The following SNX29 variants were observed in gnomAD, a reference collection of about 807,000 sequenced individuals.
The protein encoded by SNX29 is sorting nexin 29.
SNX29 carries 78 observed loss-of-function variants against 102.1 expected under a neutral mutation model. That is an observed-to-expected ratio of 0.76 (90% CI 0.64 to 0.92). The LOEUF is 0.92. SNX29 is among the 40% of genes least tolerant of loss of function. The pLI is 0.00. For synonymous variants in SNX29, 580 were observed against 414.5 expected (o/e 1.40, Z -4.85); for missense variants, 1,280 against 1,061.7 (o/e 1.21, Z -2.86).
chr16:12,526,536 A>C (rs1270650550), intron 20 of SNX29: 3 of 520,218 alleles, frequency 5.8e-6, no homozygotes, highest in Non-Finnish European at 1.1e-5. Context: ...TTCTTCTTTT[A>C]TTTGTAATGC....
intron 14 of SNX29, among the ~76,000 whole-genome samples, chr16:12,220,868 C>T (rs533916243): frequency 6.6e-5 from 10 of 152,196 alleles, no homozygotes; most frequent in African/African-American, 9.6e-5. Context: ...GTTAAAATTA[C>T]GCAAATGAGC....
intron 4 of SNX29, chr16:12,029,839 G>C (rs574150017): frequency 2.9e-6 from 1 of 340,590 alleles, no homozygotes; most frequent in Non-Finnish European, 5.7e-6. Flanking sequence ...TAATCTGCCC[G>C]CCTCGACCTC....
intron 20 of SNX29, among the ~76,000 whole-genome samples, chr16:12,554,555 C>G (rs1336136042): frequency 6.6e-6 from 1 of 152,154 alleles, no homozygotes; most frequent in African/African-American, 2.4e-5. Context: ...TGAACTTGTT[C>G]AACAATTTCT....
At position 12,572,771 on chromosome 16, in the gene SNX29, G is replaced by A. The variant is rs2079215277; in HGVS notation, c.*4142G>A. 5.6e-6 allele frequency: 6 copies of A among 1,063,834 alleles called. No homozygotes were observed. Among genetic ancestry groups the A allele is most frequent in the Non-Finnish European group, 6.8e-6 (6 of 878,420 alleles). The allele number at this position is 1,063,834 out of a possible 1,614,324, so 65.9% of individuals were successfully genotyped here. ...TTTTCAGCTTCTGGGACCCGAGGAA[G>A]ACCCCACCTCACTCCTCCTTCCCCA... is the stretch of plus-strand genomic sequence containing the variant. On this transcript the variant is annotated 3_prime_UTR_variant, in exon 21 of 21. Coordinates refer to ENST00000566228, the MANE Select transcript of SNX29 (RefSeq NM_032167.5).
intron 20 of SNX29, among the ~76,000 whole-genome samples, chr16:12,532,152 G>C (rs569006941): frequency 6.7e-4 from 102 of 152,334 alleles, no homozygotes; most frequent in African/African-American, 2.1e-3. Flanking sequence ...TGCTGTAACT[G>C]TGTGTTCCTG....
At chr16:12,241,634 G>A (rs1279436524) in intron 14 of SNX29, among the ~76,000 whole-genome samples, 1 of 152,078 alleles carries the variant, frequency 6.6e-6, no homozygotes, top group Non-Finnish European at 1.5e-5. Context: ...GCTAATTTTT[G>A]TATTTTTAGT....
At chr16:12,466,599 G>A (rs2151776109) in intron 18 of SNX29, among the ~76,000 whole-genome samples, 1 of 152,250 alleles carries the variant, frequency 6.6e-6, no homozygotes, top group East Asian at 1.9e-4. Flanking sequence ...CCTTGCTTGT[G>A]TCCACCACTC....
In SNX29 at chr16:12,571,272, G is replaced by C. The variant is rs1292383575; in HGVS notation, c.*2643G>C. 2 of 231,962 alleles carry C rather than the reference G, an allele frequency of 8.6e-6. No homozygotes were observed. The highest frequency in any genetic ancestry group is 6.1e-5 in the East Asian group (1 of 16,458). The allele number at this position is 231,962 out of a possible 1,614,324, so 14.4% of individuals were successfully genotyped here. A position where few individuals can be genotyped will look rare whatever the true frequency, so the allele number is the denominator to read the frequency against. Reference sequence around the variant, plus strand: ...ACCCAGGCCTAGCAGAATTGTGGCTGAAACCTGGTGCCCAAATTCCACACC... The same window carrying C: ...ACCCAGGCCTAGCAGAATTGTGGCTCAAACCTGGTGCCCAAATTCCACACC... On this transcript the variant is annotated 3_prime_UTR_variant, in exon 21 of 21. Coordinates refer to ENST00000566228, the MANE Select transcript of SNX29 (RefSeq NM_032167.5).
chr16:12,225,384 A>G (rs921744934), intron 14 of SNX29, among the ~76,000 whole-genome samples: 1 of 152,188 alleles, frequency 6.6e-6, no homozygotes, highest in Non-Finnish European at 1.5e-5. Flanking sequence ...TAATAGAATC[A>G]TGGGAGCGGG....
chr16:12,505,757 A>G (rs1051058050), intron 19 of SNX29, among the ~76,000 whole-genome samples: 1 of 67,166 alleles, frequency 1.5e-5, no homozygotes, highest in Non-Finnish European at 2.7e-5. Context: ...CACCTTGTCA[A>G]TTCTGCAAAA....
At chr16:12,014,695 G>A (rs921636921) in intron 3 of SNX29, among the ~76,000 whole-genome samples, 19 of 138,564 alleles carry the variant, frequency 1.4e-4, no homozygotes, top group African/African-American at 5.1e-4. Context: ...TCATGCCATT[G>A]TACTCCAGCC....
At chr16:12,074,654 C>T (rs946396161) in intron 10 of SNX29, among the ~76,000 whole-genome samples, 5 of 152,100 alleles carry the variant, frequency 3.3e-5, no homozygotes, top group African/African-American at 7.2e-5. Flanking sequence ...TGGAGTTGCT[C>T]TTCTCCAGGA....
At chr16:12,117,564 A>G (rs1567221934) in intron 11 of SNX29, among the ~76,000 whole-genome samples, 1 of 152,236 alleles carries the variant, frequency 6.6e-6, no homozygotes, top group Non-Finnish European at 1.5e-5. Context: ...GAAGCATTGG[A>G]GTACGTAAAT....
At chr16:12,381,091 C>CTCAT (rs1567504082) in intron 16 of SNX29, among the ~76,000 whole-genome samples, 2 of 29,070 alleles carry the variant, frequency 6.9e-5, no homozygotes, top group Non-Finnish European at 1.4e-4. Flanking sequence ...CACCCACCCA[C>CTCAT]CATCCATCCA....
chr16:12,359,888 A>G (rs1374956611), intron 16 of SNX29, among the ~76,000 whole-genome samples: 2 of 151,996 alleles, frequency 1.3e-5, no homozygotes, highest in African/African-American at 4.8e-5. Context: ...CAGTGGTGCG[A>G]TCTCAGCTCA....
At chr16:12,563,875 A>C (rs1434882582) in intron 20 of SNX29, among the ~76,000 whole-genome samples, 1 of 152,166 alleles carries the variant, frequency 6.6e-6, no homozygotes, top group African/African-American at 2.4e-5. Flanking sequence ...CCCCATCTCT[A>C]GCCCCTTGGG....
At chr16:12,552,583 G>A (rs987165242) in intron 20 of SNX29, among the ~76,000 whole-genome samples, 4 of 151,114 alleles carry the variant, frequency 2.6e-5, no homozygotes, top group Admixed American at 6.7e-5. Flanking sequence ...CTGCCCTCAT[G>A]GAGTTTATAT....
Position 12,240,994 on chromosome 16 carries a change from C to T in SNX29, c.1679-36939C>T, listed in dbSNP as rs1567347553. Among the ~76,000 whole-genome samples the T allele has an allele frequency of 2.0e-5, 3 of 152,128 alleles. No homozygotes were observed. In the East Asian group the frequency reaches 5.8e-4, roughly 29 times the overall value. ...TAGTGGTTTTTAATTTTTACCTAAT[C>T]AAATCCGGTGACTTTTTTTGTGTGG... On this transcript the variant is annotated intron_variant, in intron 14 of 20. Transcript: ENST00000566228.
intron 2 of SNX29, among the ~76,000 whole-genome samples, chr16:11,999,979 C>T (rs925124143): frequency 1.3e-5 from 2 of 151,502 alleles, no homozygotes; most frequent in African/African-American, 4.9e-5. Flanking sequence ...TTGAGGGCAA[C>T]TCTGAGGGGT....
Sources: allele counts gnomAD v4.1 joint callset (sites outside exome capture counted in the v4.1 genomes callset), GRCh38; gene constraint gnomAD v4.1.1; transcripts MANE v1.5; gene names NCBI Gene and HGNC (gene_info 2026-07-23, HGNC 2026-07-21).